Variants in SPAG16 observed in about 807,000 individuals in gnomAD.
SPAG16 encodes sperm-associated antigen 16 protein.
SPAG16 carries 86 observed loss-of-function variants against 80.4 expected under a neutral mutation model. The ratio of observed to expected loss-of-function variants is 1.07; its 90% CI spans 0.90 to 1.28. The LOEUF (loss-of-function observed/expected upper bound fraction) is 1.28, where lower values mean the gene tolerates loss of function less well. Among genes scored for constraint, SPAG16 ranks in the 50% most tolerant of loss-of-function variants. The pLI is 0.00. For missense variants in SPAG16, 870 were observed against 765.3 expected (o/e 1.14, Z -1.61); for synonymous variants, 294 against 265.9 (o/e 1.11, Z -1.03).
chr2:214,277,156 C>A (rs1476116239), intron 15 of SPAG16, among the ~76,000 whole-genome samples: 3 of 152,120 alleles, frequency 2.0e-5, no homozygotes, highest in Non-Finnish European at 4.4e-5. Flanking sequence ...TTAATGTCTT[C>A]TCTACATTGT....
At chr2:214,366,390 A>G (rs1699483400) in intron 15 of SPAG16, among the ~76,000 whole-genome samples, 2 of 152,192 alleles carry the variant, frequency 1.3e-5, no homozygotes, top group Admixed American at 1.3e-4. Context: ...ACTATGGAGG[A>G]GAGTTTTGGT....
intron 9 of SPAG16, among the ~76,000 whole-genome samples, chr2:213,461,332 G>A (rs1259735096): frequency 6.6e-6 from 1 of 152,198 alleles, no homozygotes; most frequent in Non-Finnish European, 1.5e-5. Context: ...TAATGTTAGA[G>A]AGATAGGCTT....
At chr2:214,204,722 T>G (rs1324093168) in intron 15 of SPAG16, among the ~76,000 whole-genome samples, 2 of 152,038 alleles carry the variant, frequency 1.3e-5, no homozygotes, top group Non-Finnish European at 2.9e-5. Context: ...TCTACCCAAA[T>G]GAGAATGAAC....
At position 213,990,789 on chromosome 2, in the gene SPAG16, G is replaced by A. The variant is rs147717495; in HGVS notation, c.1401-23162G>A. Among the ~76,000 whole-genome samples the A allele has an allele frequency of 2.9e-3, 443 of 152,134 alleles. 2 individuals are homozygous for A. The highest frequency in any genetic ancestry group is 5.0e-3 in the Non-Finnish European group (343 of 67,998). On this transcript the variant is annotated intron_variant, in intron 12 of 15. Coordinates refer to ENST00000331683, the MANE Select transcript of SPAG16 (RefSeq NM_024532.5). Reference sequence around the variant, plus strand: ...TGTAGTTTAAACCCATGTTGTTAAGGTTCCAGTGTATGTTTGCTCAATATC... The same window carrying A: ...TGTAGTTTAAACCCATGTTGTTAAGATTCCAGTGTATGTTTGCTCAATATC...
intron 7 of SPAG16, among the ~76,000 whole-genome samples, chr2:213,353,245 A>G (rs1038922558): frequency 6.6e-6 from 1 of 151,936 alleles, no homozygotes; most frequent in Non-Finnish European, 1.5e-5. Flanking sequence ...ATATCTGTGA[A>G]CTCCTTTATA....
intron 10 of SPAG16, among the ~76,000 whole-genome samples, chr2:213,498,735 T>C (rs906932835): frequency 6.6e-6 from 1 of 152,188 alleles, no homozygotes; most frequent in African/African-American, 2.4e-5. Flanking sequence ...TCCCATTTTA[T>C]TTAATGTTAT....
At chr2:214,402,178 T>C (rs1359346102) in intron 15 of SPAG16, among the ~76,000 whole-genome samples, 3 of 152,068 alleles carry the variant, frequency 2.0e-5, no homozygotes, top group Admixed American at 2.0e-4. Context: ...CATTATTTAA[T>C]AAATTTCATA....
chr2:214,175,483 T>C (rs2057048803), intron 15 of SPAG16, among the ~76,000 whole-genome samples: 1 of 151,084 alleles, frequency 6.6e-6, no homozygotes, highest in African/African-American at 2.4e-5. Context: ...CCATTCAAGA[T>C]TTGAATTAAA....
At chr2:213,542,162 ATAAG>A (rs1300314212) in intron 10 of SPAG16, among the ~76,000 whole-genome samples, 2 of 152,232 alleles carry the variant, frequency 1.3e-5, no homozygotes, top group Non-Finnish European at 2.9e-5. Context: ...ATATAAGTGA[ATAAG>A]TAAGAATTGT....
At chr2:213,653,699 A>T (rs1366083100) in intron 10 of SPAG16, among the ~76,000 whole-genome samples, 2 of 152,196 alleles carry the variant, frequency 1.3e-5, no homozygotes, top group African/African-American at 4.8e-5. Context: ...AGTAGCTTTG[A>T]ATTCTAAAAT....
intron 15 of SPAG16, among the ~76,000 whole-genome samples, chr2:214,184,914 A>G (rs536590336): frequency 1.3e-5 from 2 of 152,288 alleles, no homozygotes; most frequent in East Asian, 3.9e-4. Flanking sequence ...ATGACAAAAT[A>G]GAAATGAAAA....
At chr2:213,751,367 A>AC (rs1427123825) in intron 10 of SPAG16, among the ~76,000 whole-genome samples, 3 of 152,086 alleles carry the variant, frequency 2.0e-5, no homozygotes, top group Non-Finnish European at 4.4e-5. Context: ...TCACGAGAAA[A>AC]CCTAGTGTTC....
chr2:213,652,663 A>T (rs1351073620), intron 10 of SPAG16, among the ~76,000 whole-genome samples: 4 of 151,830 alleles, frequency 2.6e-5, no homozygotes, highest in Non-Finnish European at 5.9e-5. Context: ...CATTTTTTTC[A>T]TGTGTTTATT....
chr2:213,331,908 C>G, intron 5 of SPAG16, among the ~76,000 whole-genome samples: 1 of 151,980 alleles, frequency 6.6e-6, no homozygotes, highest in East Asian at 1.9e-4. Flanking sequence ...TTTATAGGCA[C>G]TTACATAAGT....
At chr2:213,633,528 C>T (rs559790849) in intron 10 of SPAG16, among the ~76,000 whole-genome samples, 1 of 152,038 alleles carries the variant, frequency 6.6e-6, no homozygotes, top group Non-Finnish European at 1.5e-5. Flanking sequence ...TTGTAAATAT[C>T]TATGAGATCC....
intron 10 of SPAG16, among the ~76,000 whole-genome samples, chr2:213,596,003 C>G (rs1264289810): frequency 1.3e-5 from 2 of 151,978 alleles, no homozygotes; most frequent in Non-Finnish European, 2.9e-5. Flanking sequence ...TCAGTCTGCT[C>G]TAGATACATC....
At chr2:213,289,689 A>G (rs561793641) in intron 1 of SPAG16, among the ~76,000 whole-genome samples, 6 of 152,258 alleles carry the variant, frequency 3.9e-5, no homozygotes, top group Admixed American at 1.3e-4. Context: ...AATGTTGATC[A>G]TGGAAGATCC....
At chr2:213,542,240 T>C (rs2076470488) in intron 10 of SPAG16, among the ~76,000 whole-genome samples, 1 of 152,226 alleles carries the variant, frequency 6.6e-6, no homozygotes, top group African/African-American at 2.4e-5. Context: ...TTGAAGATGG[T>C]ACTTGTGGTC....
intron 15 of SPAG16, among the ~76,000 whole-genome samples, chr2:214,274,529 CT>C (rs907722758): frequency 2.6e-5 from 4 of 151,974 alleles, no homozygotes; most frequent in East Asian, 1.9e-4. Context: ...TGTCAAAGGC[CT>C]TTTTTCTGCA....
Sources: gnomAD v4.1 joint callset for allele counts (sites outside exome capture counted in the v4.1 genomes callset) on GRCh38, gnomAD v4.1.1 for gene constraint, MANE v1.5 for transcripts, NCBI Gene and HGNC (gene_info 2026-07-23, HGNC 2026-07-21) for gene names.